SEMA4G: variants seen among roughly 807,000 people sequenced by gnomAD.
The protein encoded by SEMA4G is semaphorin 4G, also known as semaphorin-4G.
SEMA4G carries 59 observed loss-of-function variants against 81.2 expected under a neutral mutation model. The ratio of observed to expected loss-of-function variants is 0.73; its 90% CI spans 0.59 to 0.90. SEMA4G has a LOEUF of 0.90. Ranked by LOEUF, SEMA4G falls within the 40% of genes least tolerant of loss-of-function variation. The pLI is 0.00. For synonymous variants in SEMA4G, 404 were observed against 433.9 expected, an observed-to-expected ratio of 0.93 and a Z score of 0.86; for missense variants, 952 against 1,102.3, an observed-to-expected ratio of 0.86 and a Z score of 1.93.
At chr10:100,972,340 G>C (rs1589978018), upstream of SEMA4G, among the ~76,000 whole-genome samples, 1 of 151,912 alleles carries the variant, frequency 6.6e-6, no homozygotes, top group Non-Finnish European at 1.5e-5. Context: ...TGTAAGGAAG[G>C]TAAGTTCCAC....
chr10:100,980,122 T>G (rs775053317), exon 10 of SEMA4G: 1 of 1,614,048 alleles, frequency 6.2e-7, no homozygotes, highest in Non-Finnish European at 8.5e-7. Flanking sequence ...CCCACGCCAG[T>G]GTATCACAGA....
upstream of SEMA4G, among the ~76,000 whole-genome samples, chr10:100,970,507 C>T (rs780852132): frequency 1.3e-5 from 2 of 152,060 alleles, no homozygotes; most frequent in Non-Finnish European, 2.9e-5. Context: ...ATGCACCCAT[C>T]CCATCTGCCC....
chr10:100,983,865 G>T, exon 14 of SEMA4G: 1 of 1,573,988 alleles, frequency 6.4e-7, no homozygotes, highest in East Asian at 2.3e-5. Context: ...GGGCCTGGAG[G>T]GCAGCTGTCT....
intron 13 of SEMA4G, among the ~76,000 whole-genome samples, chr10:100,982,911 A>G (rs939383980): frequency 6.6e-6 from 1 of 152,220 alleles, no homozygotes; most frequent in African/African-American, 2.4e-5. Context: ...CAAGGAAAGG[A>G]CTTGGTGTCG....
Position 100,973,271 on chromosome 10 carries a change from CAA to C in SEMA4G, c.269_270del (p.Lys90ArgfsTer27). On this transcript the variant is annotated frameshift_variant, in exon 2 of 14. Coordinates refer to ENST00000370250, the Ensembl canonical transcript of SEMA4G. LOFTEE classifies it high-confidence loss of function. The surrounding 1 kb of genome is among the most constrained non-coding windows in gnomAD (Gnocchi z 5.5). ...CCAACGACATAGGAGATGGGGCTCA[CAA>C]AGAGGTCAGGCCCTGGAACCTGGAC... 6.2e-7 allele frequency: 1 copy of C among 1,612,862 alleles called. No homozygotes were observed. Among genetic ancestry groups the C allele is most frequent in the Non-Finnish European group, 8.5e-7 (1 of 1,180,030 alleles).
At chr10:100,981,101 T>G in intron 12 of SEMA4G, 67 bp from the exon 14 acceptor site, 1 of 1,609,532 alleles carries the variant, frequency 6.2e-7, no homozygotes, top group East Asian at 2.2e-5. Flanking sequence ...AACAGACCTA[T>G]CTACCCTTTC....
At position 100,984,805 on chromosome 10, in the gene SEMA4G, T is replaced by C. The variant is rs1370560535; in HGVS notation, c.*674T>C. ...TTGGGAACGGGCCAGCCTGGGGAGG[T>C]AAGACTGCATCACTCCCCTCCTCTC... On this transcript the variant is annotated 3_prime_UTR_variant, in exon 14 of 14. Transcript: ENST00000370250. The C allele has an allele frequency of 1.4e-5, 21 of 1,534,462 alleles. No homozygotes were observed. The East Asian group carries it at 4.7e-4, about 34-fold the overall frequency.
chr10:100,983,499 A>C (rs764316566), exon 14 of SEMA4G: 1 of 1,614,200 alleles, frequency 6.2e-7, no homozygotes, highest in Non-Finnish European at 8.5e-7. Context: ...GCACAGTGGC[A>C]ACTATGGCTG....
chr10:100,971,925 G>C (rs1213896851), upstream of SEMA4G, among the ~76,000 whole-genome samples: 1 of 152,170 alleles, frequency 6.6e-6, no homozygotes, highest in African/African-American at 2.4e-5. Context: ...CCCAATGCCT[G>C]TGAATGCCTA....
intron 13 of SEMA4G, among the ~76,000 whole-genome samples, chr10:100,982,657 TGGCATATGCCTGTAATCCCAGCTAC>T (rs1851156072): frequency 6.6e-6 from 1 of 152,184 alleles, no homozygotes. Flanking sequence ...CTGGGCATGG[TGGCATATGCCTGTAATCCCAGCTAC>T]TCAGGAGCCA....
exon 14 of SEMA4G, chr10:100,984,508 A>G: frequency 1.3e-6 from 2 of 1,535,978 alleles, no homozygotes; most frequent in Non-Finnish European, 1.7e-6. Context: ...CTGCAGGTCC[A>G]TATGGGCTCA....
chr10:100,979,349 A>ACT, intron 8 of SEMA4G, 78 bp downstream of exon 9: 1 of 1,613,298 alleles, frequency 6.2e-7, no homozygotes, highest in South Asian at 1.1e-5. Flanking sequence ...AGGATGAGAT[A>ACT]GGATCCACTG....
exon 10 of SEMA4G, chr10:100,980,285 C>T (rs779441290): frequency 6.2e-7 from 1 of 1,614,254 alleles, no homozygotes; most frequent in Non-Finnish European, 8.5e-7. Context: ...ACACACCTTA[C>T]AGGGACACCT....
Position 100,979,035 on chromosome 10 carries a change from T to C in SEMA4G, c.813+17T>C. 6.2e-7 allele frequency: 1 copy of C among 1,613,574 alleles called. No individual in the cohort carries two copies. Among genetic ancestry groups the C allele is most frequent in the Non-Finnish European group, 8.5e-7 (1 of 1,179,624 alleles). On this transcript the variant is annotated intron_variant, in intron 7 of 13. Coordinates refer to ENST00000370250, the Ensembl canonical transcript of SEMA4G. ...GTCTGCAAGGTGGATTGGGCTGACG[T>C]TGGGGCACGGGTATAGAGGCTGGAC...
exon 14 of SEMA4G, chr10:100,984,009 C>T: frequency 6.2e-7 from 1 of 1,612,662 alleles, no homozygotes; most frequent in African/African-American, 1.3e-5. Context: ...CTATGTGCTT[C>T]TGAGGCAGAG....
rs772635727 is a variant in SEMA4G, at chr10:100,983,625, C to A, written c.2011C>A (p.Pro671Thr). The A allele has an allele frequency of 7.4e-6, 12 of 1,613,914 alleles. No individual in the cohort carries two copies. The African/African-American group carries it at 1.6e-4, about 22-fold the overall frequency. Residue 671 changes from proline to threonine, a missense_variant, in exon 14 of 14, where the codon CCT becomes ACT. Physicochemically the swap from Pro to Thr is conservative, Grantham distance 38. Around this residue, in one of 3 missense-constraint regions of SEMA4G, gnomAD observed 385 missense variants for 413.5 expected, o/e 0.93. Coordinates refer to ENST00000370250, the Ensembl canonical transcript of SEMA4G. ...TGCCACACCTGGGGCACAGCTGGCA[C>A]CTGATGTGAGACTGCTCTATGTGCT...
At chr10:100,981,591 AT>A in intron 13 of SEMA4G, 1 of 1,606,032 alleles carries the variant, frequency 6.2e-7, no homozygotes, top group Non-Finnish European at 8.5e-7. Flanking sequence ...TGTATTAAGT[AT>A]TTACTGTGTG....
At chr10:100,982,800 A>G (rs921060743) in intron 13 of SEMA4G, among the ~76,000 whole-genome samples, 9 of 152,348 alleles carry the variant, frequency 5.9e-5, no homozygotes, top group Admixed American at 4.6e-4. Context: ...TCAAAAAAAC[A>G]AAACAAAACA....
chr10:100,983,405 C>CA lies in SEMA4G; in HGVS notation c.1793dup (p.Asn598LysfsTer28). On this transcript the variant is annotated frameshift_variant, in exon 14 of 14. Coordinates refer to ENST00000370250, the Ensembl canonical transcript of SEMA4G. LOFTEE classifies it high-confidence loss of function. ...ACCTGGCCCGGGCCTTGTGGCTACT[C>CA]AATGGGAGCATGGGCCTGAGCGATG... 1 of 1,612,406 alleles carries CA rather than the reference C, an allele frequency of 6.2e-7. No homozygotes were observed. Among genetic ancestry groups the CA allele is most frequent in the Non-Finnish European group, 8.5e-7 (1 of 1,179,462 alleles).
Sources: gnomAD v4.1 joint callset for allele counts (sites outside exome capture counted in the v4.1 genomes callset) on GRCh38, gnomAD v4.1.1 for gene constraint, gnomAD v4.1.1 regional missense constraint, Gnocchi (gnomAD v3.1) non-coding constraint, MANE v1.5 for transcripts, NCBI Gene and HGNC (gene_info 2026-07-23, HGNC 2026-07-21) for gene names.